The following AK8 variants were observed in gnomAD, a reference collection of about 807,000 sequenced individuals.
AK8 encodes the protein ATP-AMP transphosphorylase 8.
In AK8, 44 loss-of-function variants were observed where a neutral mutation model predicts 54.6. The ratio of observed to expected loss-of-function variants is 0.81; its 90% CI spans 0.63 to 1.04. The LOEUF (loss-of-function observed/expected upper bound fraction) is 1.04, where lower values mean the gene tolerates loss of function less well. Among genes scored for constraint, AK8 ranks in the 50% least tolerant of loss-of-function variants. AK8 has a pLI of 0.00. For missense variants in AK8, 555 were observed against 613.6 expected (o/e 0.90, Z 1.01); for synonymous variants, 239 against 245.6 (o/e 0.97, Z 0.25).
Position 132,725,669 on chromosome 9 carries a change from G to T in AK8, c.*19C>A. The T allele has an allele frequency of 1.3e-6, 2 of 1,549,836 alleles. No homozygotes were observed. Among genetic ancestry groups the T allele is most frequent in the Non-Finnish European group, 1.8e-6 (2 of 1,138,542 alleles). ...GGATTAACTCTTTCCCTGGGGCAGCGCTCCTGGCTCTGAACCCATCAGGGG... is the reference window on the plus strand; with the variant it reads ...GGATTAACTCTTTCCCTGGGGCAGCTCTCCTGGCTCTGAACCCATCAGGGG... On this transcript the variant is annotated 3_prime_UTR_variant, in exon 13 of 13. Coordinates refer to ENST00000298545, the MANE Select transcript of AK8 (RefSeq NM_152572.3).
chr9:132,744,671 C>T (rs1837554616), intron 11 of AK8, among the ~76,000 whole-genome samples: 1 of 152,032 alleles, frequency 6.6e-6, no homozygotes. Context: ...CAAGAGAACC[C>T]CAATATGTTT....
chr9:132,832,931 G>T (rs1842165364), intron 5 of AK8, among the ~76,000 whole-genome samples: 1 of 152,186 alleles, frequency 6.6e-6, no homozygotes, highest in African/African-American at 2.4e-5. Flanking sequence ...CTCCAGGTCT[G>T]CTCTGAGCTG....
chr9:132,869,593 C>A (rs1005486158), intron 2 of AK8, among the ~76,000 whole-genome samples: 6 of 152,218 alleles, frequency 3.9e-5, no homozygotes, highest in Admixed American at 3.3e-4. Flanking sequence ...GGAGCCAGGG[C>A]GGGCATTCAG....
At chr9:132,755,161 A>G (rs1415105679) in intron 11 of AK8, among the ~76,000 whole-genome samples, 1 of 152,218 alleles carries the variant, frequency 6.6e-6, no homozygotes, top group Admixed American at 6.5e-5. Flanking sequence ...ACTTGCTGTC[A>G]TGCCAGAATA....
At chr9:132,877,595 G>A (rs1844183097) in intron 1 of AK8, among the ~76,000 whole-genome samples, 1 of 152,228 alleles carries the variant, frequency 6.6e-6, no homozygotes, top group Non-Finnish European at 1.5e-5. Flanking sequence ...GGTGAGCTGG[G>A]GGCCCAGTCA....
Position 132,803,732 on chromosome 9 carries a change from G to GGAGT in AK8, c.979+10902_979+10905dup, listed in dbSNP as rs900932927. Among the ~76,000 whole-genome samples the GGAGT allele has an allele frequency of 5.9e-5, 9 of 152,110 alleles. No homozygotes were observed. Among genetic ancestry groups the GGAGT allele is most frequent in the Non-Finnish European group, 1.0e-4 (7 of 68,014 alleles). ...TCTGAGCCACGGCCCCTCCCATCTG[G>GGAGT]GAGTGACAGTCACTTGCCTCCCTTC... On this transcript the variant is annotated intron_variant, in intron 10 of 12. Coordinates refer to ENST00000298545, the MANE Select transcript of AK8 (RefSeq NM_152572.3). This position sits in a 1 kb window ranked among gnomAD's most constrained non-coding sequence, Gnocchi z 4.4.
intron 8 of AK8, among the ~76,000 whole-genome samples, chr9:132,825,918 G>A (rs1564423818): frequency 6.6e-6 from 1 of 152,222 alleles, no homozygotes; most frequent in African/African-American, 2.4e-5. Context: ...ATTTTGAGAC[G>A]ACTGGATTTT....
At chr9:132,855,514 C>A (rs978063955) in intron 4 of AK8, among the ~76,000 whole-genome samples, 2 of 152,148 alleles carry the variant, frequency 1.3e-5, no homozygotes, top group African/African-American at 4.8e-5. Flanking sequence ...ATGTTGGTAA[C>A]AAAATTGGCC....
intron 4 of AK8, among the ~76,000 whole-genome samples, chr9:132,858,038 G>C (rs2131395076): frequency 6.6e-6 from 1 of 152,340 alleles, no homozygotes; most frequent in Non-Finnish European, 1.5e-5. Flanking sequence ...GGGAGAAGCT[G>C]ACAGTGCAGT....
chr9:132,848,386 A>G (rs1281501251), intron 5 of AK8, among the ~76,000 whole-genome samples: 1 of 152,130 alleles, frequency 6.6e-6, no homozygotes, highest in Non-Finnish European at 1.5e-5. Flanking sequence ...AAACCTTAAA[A>G]ATAGTGACCG....
chr9:132,736,017 T>C (rs905518361), intron 11 of AK8, among the ~76,000 whole-genome samples: 2 of 152,188 alleles, frequency 1.3e-5, no homozygotes, highest in Non-Finnish European at 2.9e-5. Context: ...TAGGCAATTA[T>C]AATGCAATGG....
chr9:132,834,963 G>A (rs1005985540), intron 5 of AK8, among the ~76,000 whole-genome samples: 11 of 151,434 alleles, frequency 7.3e-5, no homozygotes, highest in Non-Finnish European at 1.3e-4. Flanking sequence ...TTCTCCTCCC[G>A]GGTTCAAGTG....
rs61495439 is a variant in AK8, at chr9:132,765,292, C to CAAAAAAAAAAAAAA, written c.1121+27328_1121+27341dup. ...TGGGCAACAGAGCGAGACTCCATTT[C>CAAAAAAAAAAAAAA]AAAAAAAAAAAAAAAAAAAAAAGAG... On this transcript the variant is annotated intron_variant, in intron 11 of 12. Coordinates refer to ENST00000298545, the MANE Select transcript of AK8 (RefSeq NM_152572.3). Among the ~76,000 whole-genome samples, 223 of 62,786 alleles carry CAAAAAAAAAAAAAA rather than the reference C, an allele frequency of 3.6e-3. 19 individuals are homozygous for CAAAAAAAAAAAAAA. The highest frequency in any genetic ancestry group is 0.014 in the African/African-American group (212 of 15,004). 41.2% of individuals were successfully genotyped at this position (62,786 alleles called of 152,430 possible). A position where few individuals can be genotyped will look rare whatever the true frequency, so the allele number is the denominator to read the frequency against.
chr9:132,873,092 C>T (rs534856732), intron 2 of AK8, among the ~76,000 whole-genome samples: 176 of 152,326 alleles, frequency 1.2e-3, no homozygotes, highest in African/African-American at 3.9e-3. Flanking sequence ...GGATTACAGG[C>T]GTGAGCCACC....
intron 10 of AK8, among the ~76,000 whole-genome samples, chr9:132,796,428 A>C (rs944793994): frequency 6.6e-6 from 1 of 152,246 alleles, no homozygotes; most frequent in Non-Finnish European, 1.5e-5. Flanking sequence ...CTTTTGACCC[A>C]GCAATCCTAT....
chr9:132,789,576 G>A (rs1413709369), intron 11 of AK8, among the ~76,000 whole-genome samples: 6 of 107,714 alleles, frequency 5.6e-5, no homozygotes, highest in African/African-American at 2.1e-4. Flanking sequence ...CAGCCTGGGC[G>A]ACAGAGTGAT....
chr9:132,726,879 G>A lies in AK8; in HGVS notation c.1202+575C>T, dbSNP rs556778370. ...AAATCCCTGCACTTCCTTCCTGCCC[G>A]CCCCCCACCCCACTCCTGCGTCCCT... is the stretch of plus-strand genomic sequence containing the variant. On this transcript the variant is annotated intron_variant, in intron 12 of 12. Coordinates refer to ENST00000298545, the MANE Select transcript of AK8 (RefSeq NM_152572.3). Among the ~76,000 whole-genome samples the A allele has an allele frequency of 4.8e-3, 472 of 98,424 alleles. 2 individuals carry two copies. Among genetic ancestry groups the A allele is most frequent in the Middle Eastern group, 0.011 (1 of 90 alleles). 64.6% of individuals were successfully genotyped at this position (98,424 alleles called of 152,430 possible).
intron 3 of AK8, among the ~76,000 whole-genome samples, chr9:132,866,477 C>T (rs565945677): frequency 3.9e-5 from 6 of 152,306 alleles, no homozygotes; most frequent in African/African-American, 1.4e-4. Flanking sequence ...GTTTGCTGTG[C>T]TTTTCTGATT....
chr9:132,838,105 C>G (rs1231161218), intron 5 of AK8, among the ~76,000 whole-genome samples: 1 of 152,178 alleles, frequency 6.6e-6, no homozygotes, highest in Non-Finnish European at 1.5e-5. Context: ...TTAATGCCAG[C>G]CCAATGACAC....
Sources: allele counts gnomAD v4.1 joint callset (sites outside exome capture counted in the v4.1 genomes callset), GRCh38; gene constraint gnomAD v4.1.1; non-coding constraint Gnocchi (gnomAD v3.1); transcripts MANE v1.5; gene names NCBI Gene and HGNC (gene_info 2026-07-23, HGNC 2026-07-21).